The following DPF3 variants were observed in gnomAD, a reference collection of about 807,000 sequenced individuals.
The protein encoded by DPF3 is double PHD fingers 3, also known as zinc finger protein DPF3.
DPF3 carries 18 observed loss-of-function variants against 56.8 expected under a neutral mutation model. The observed-to-expected ratio is 0.32, with a 90% CI of 0.22 to 0.47. DPF3 has a LOEUF of 0.47. Ranked by LOEUF, DPF3 falls within the 20% of genes least tolerant of loss-of-function variation. The probability of loss-of-function intolerance (pLI) is 1.00; values close to 1 mark genes in which losing one functional copy is unlikely to be tolerated. For synonymous variants in DPF3, 188 were observed against 180.2 expected (o/e 1.04, Z -0.35); for missense variants, 403 against 488.8 (o/e 0.82, Z 1.65).
At chr14:72,702,351 C>T (rs980989035) in intron 6 of DPF3, among the ~76,000 whole-genome samples, 1 of 152,180 alleles carries the variant, frequency 6.6e-6, no homozygotes, top group African/African-American at 2.4e-5. Context: ...TAGGGGCCCA[C>T]CTCCAAGACT....
chr14:72,830,043 G>C (rs567555965), intron 1 of DPF3, among the ~76,000 whole-genome samples: 1 of 152,348 alleles, frequency 6.6e-6, no homozygotes, highest in South Asian at 2.1e-4. Context: ...ACCATGCCCA[G>C]CCACAGTCCA....
At chr14:72,831,158 G>C (rs1220532133) in intron 1 of DPF3, among the ~76,000 whole-genome samples, 1 of 152,116 alleles carries the variant, frequency 6.6e-6, no homozygotes, top group Non-Finnish European at 1.5e-5. Context: ...AAGGGCGTTG[G>C]GGGAAGCAAG....
chr14:72,828,540 A>AAAAAAAAAAAAAAAAAAAAC (rs1883915868), intron 1 of DPF3, among the ~76,000 whole-genome samples: 4 of 151,166 alleles, frequency 2.6e-5, no homozygotes, highest in African/African-American at 9.7e-5. Flanking sequence ...CATGTCTTAA[A>AAAAAAAAAAAAAAAAAAAAC]AAAAAAAAAA....
In DPF3 at chr14:72,830,904, A is replaced by G. The variant is rs145912337; in HGVS notation, c.33-59011T>C. ...CCTTTCTCCAATCCTGCTCATGGGA[A>G]TTAAAGCTGTAAAATAAGCCTGGCG... is the stretch of plus-strand genomic sequence containing the variant. On this transcript the variant is annotated intron_variant, in intron 1 of 10. Coordinates refer to ENST00000556509, the MANE Select transcript of DPF3 (RefSeq NM_001280542.3). 7.8e-3 allele frequency among the ~76,000 whole-genome samples: 1,183 copies of G among 152,250 alleles called. 11 individuals carry two copies. The highest frequency in any genetic ancestry group is 0.027 in the African/African-American group (1,126 of 41,574).
At chr14:72,699,860 A>G (rs1888083008) in intron 6 of DPF3, among the ~76,000 whole-genome samples, 1 of 152,228 alleles carries the variant, frequency 6.6e-6, no homozygotes, top group Non-Finnish European at 1.5e-5. Flanking sequence ...TGCCTTAGCA[A>G]GAAGAGAATC....
chr14:72,720,259 C>T (rs779584795), intron 5 of DPF3, among the ~76,000 whole-genome samples: 28 of 152,040 alleles, frequency 1.8e-4, no homozygotes, highest in African/African-American at 2.9e-4. Flanking sequence ...TTGGGAGACC[C>T]GGACAAGAGG....
intron 1 of DPF3, among the ~76,000 whole-genome samples, chr14:72,864,681 G>C (rs1885592460): frequency 6.6e-6 from 1 of 150,664 alleles, no homozygotes; most frequent in Non-Finnish European, 1.5e-5. Flanking sequence ...CGGATGGATG[G>C]ATGGATGGAT....
intron 8 of DPF3, among the ~76,000 whole-genome samples, chr14:72,635,570 C>T (rs1040374405): frequency 6.6e-6 from 1 of 152,190 alleles, no homozygotes; most frequent in Non-Finnish European, 1.5e-5. Flanking sequence ...AAGGGTATTT[C>T]CAGCCTTTTA....
chr14:72,702,393 C>A (rs1888209142), intron 6 of DPF3, among the ~76,000 whole-genome samples: 1 of 152,124 alleles, frequency 6.6e-6, no homozygotes, highest in Non-Finnish European at 1.5e-5. Flanking sequence ...AACCCCATGT[C>A]TCCCCTGCTC....
At chr14:72,876,411 C>T (rs1886117230) in intron 1 of DPF3, among the ~76,000 whole-genome samples, 1 of 152,228 alleles carries the variant, frequency 6.6e-6, no homozygotes, top group Admixed American at 6.5e-5. Context: ...CACCCTCCCC[C>T]TGGAGCCTCT....
intron 7 of DPF3, among the ~76,000 whole-genome samples, chr14:72,678,914 C>A (rs937695570): frequency 6.6e-6 from 1 of 152,062 alleles, no homozygotes; most frequent in African/African-American, 2.4e-5. Flanking sequence ...AAATGGAAAT[C>A]AGGAACAAAG....
At chr14:72,770,698 G>A (rs954447318) in intron 2 of DPF3, among the ~76,000 whole-genome samples, 2 of 152,172 alleles carry the variant, frequency 1.3e-5, no homozygotes, top group Non-Finnish European at 2.9e-5. Context: ...ATGGGGATGT[G>A]TTTTACTATT....
At chr14:72,670,526 G>T in intron 8 of DPF3, 2 of 983,526 alleles carry the variant, frequency 2.0e-6, no homozygotes, top group Non-Finnish European at 2.4e-6. Flanking sequence ...GCGGGGAGCC[G>T]CAAACTCCGT....
intron 8 of DPF3, among the ~76,000 whole-genome samples, chr14:72,652,369 A>G (rs905042883): frequency 2.2e-4 from 33 of 152,200 alleles, no homozygotes; most frequent in African/African-American, 7.2e-4. Flanking sequence ...CCCTCCTCCC[A>G]TTTTGGGAGT....
intron 1 of DPF3, among the ~76,000 whole-genome samples, chr14:72,871,798 C>A (rs1885911515): frequency 6.6e-6 from 1 of 152,220 alleles, no homozygotes; most frequent in Non-Finnish European, 1.5e-5. Context: ...GCACATGGTG[C>A]AAGCTGCTAG....
At chr14:72,800,894 C>T (rs12435321) in intron 1 of DPF3, among the ~76,000 whole-genome samples, 22,029 of 152,194 alleles carry the variant, frequency 0.14, 1,718 homozygotes, top group Middle Eastern at 0.32. Flanking sequence ...AGAATTAAAA[C>T]GGCAGCCCAC....
chr14:72,614,703 A>C lies in DPF3; in HGVS notation c.*4594T>G, dbSNP rs1257719466. 6.8e-6 allele frequency among the ~76,000 whole-genome samples: 1 copy of C among 147,106 alleles called. No individual in the cohort carries two copies. The highest frequency in any genetic ancestry group is 1.5e-5 in the Non-Finnish European group (1 of 67,188). On this transcript the variant is annotated 3_prime_UTR_variant, in exon 11 of 11. Transcript: ENST00000556509. ...GAAAGAGGGAGCTGAATCAGTGTTC[A>C]GAACTGGGCAGAGGTTTGGCCTTTT...
At chr14:72,623,486 A>ATGTG (rs950559177) in intron 9 of DPF3, among the ~76,000 whole-genome samples, 1 of 151,620 alleles carries the variant, frequency 6.6e-6, no homozygotes, top group African/African-American at 2.4e-5. Flanking sequence ...CTGCATATAT[A>ATGTG]TGTGTGTGTG....
intron 1 of DPF3, among the ~76,000 whole-genome samples, chr14:72,849,467 G>A (rs954020328): frequency 1.3e-5 from 2 of 152,150 alleles, no homozygotes; most frequent in East Asian, 3.9e-4. Context: ...CCCACATCTT[G>A]GACAGCATCC....
Sources: allele counts gnomAD v4.1 joint callset (sites outside exome capture counted in the v4.1 genomes callset), GRCh38; gene constraint gnomAD v4.1.1; transcripts MANE v1.5; gene names NCBI Gene and HGNC (gene_info 2026-07-23, HGNC 2026-07-21).